SMAD3: variants seen among roughly 807,000 people sequenced by gnomAD.
The protein encoded by SMAD3 is SMAD family member 3.
A neutral mutation model predicts 51.8 loss-of-function variants in SMAD3; 12 were observed. The observed-to-expected ratio is 0.23, with a 90% CI of 0.15 to 0.38. The LOEUF is 0.38. SMAD3 is among the 10% of genes least tolerant of loss of function. The pLI is 1.00. For missense variants in SMAD3, 294 were observed against 565.6 expected, an observed-to-expected ratio of 0.52 and a Z score of 4.87; for synonymous variants, 238 against 227.7, an observed-to-expected ratio of 1.05 and a Z score of -0.41.
At chr15:67,121,133 G>T (rs1413242857) in intron 1 of SMAD3, among the ~76,000 whole-genome samples, 1 of 152,212 alleles carries the variant, frequency 6.6e-6, no homozygotes, top group Non-Finnish European at 1.5e-5. Context: ...GAGGCGGGAG[G>T]CCTGTTTCCT....
intron 1 of SMAD3, among the ~76,000 whole-genome samples, chr15:67,088,313 G>T (rs928554270): frequency 6.6e-6 from 1 of 152,126 alleles, no homozygotes; most frequent in African/African-American, 2.4e-5. Context: ...AGCTTTACTT[G>T]TTGGGTTGGA....
intron 1 of SMAD3, among the ~76,000 whole-genome samples, chr15:67,129,128 C>T (rs1961461215): frequency 6.6e-6 from 1 of 152,198 alleles, no homozygotes; most frequent in Non-Finnish European, 1.5e-5. Context: ...CAGGCGTCCC[C>T]AACCCCTGGG....
intron 8 of SMAD3, among the ~76,000 whole-genome samples, chr15:67,189,019 C>T (rs775342853): frequency 6.6e-6 from 1 of 152,200 alleles, no homozygotes; most frequent in Non-Finnish European, 1.5e-5. Flanking sequence ...GAACTTACAA[C>T]TATGTTATGG....
At chr15:67,186,344 G>A (rs1451128932) in intron 7 of SMAD3, among the ~76,000 whole-genome samples, 2 of 152,282 alleles carry the variant, frequency 1.3e-5, no homozygotes, top group South Asian at 2.1e-4. Flanking sequence ...TCCATTCCCC[G>A]GCCCCACCCC....
intron 1 of SMAD3, among the ~76,000 whole-genome samples, chr15:67,133,559 G>A (rs1226849718): frequency 1.3e-5 from 2 of 152,092 alleles, no homozygotes; most frequent in African/African-American, 4.8e-5. Flanking sequence ...TTTTCCATTT[G>A]TGACCCCCAA....
intron 6 of SMAD3, among the ~76,000 whole-genome samples, chr15:67,183,031 ATTTTT>A (rs57749736): frequency 0.014 from 410 of 29,500 alleles, 3 homozygotes; most frequent in Non-Finnish European, 0.016. Flanking sequence ...ATATATATAT[ATTTTT>A]TTTTTTTTTT....
chr15:67,128,452 AAAGAGCTGGTGTGTGT>A (rs1230647376), intron 1 of SMAD3, among the ~76,000 whole-genome samples: 4 of 152,162 alleles, frequency 2.6e-5, no homozygotes, highest in Non-Finnish European at 5.9e-5. Context: ...TGAAGGATTA[AAAGAGCTGGTGTGTGT>A]AAAACCCAGG....
At chr15:67,184,521 T>C (rs116139975) in intron 6 of SMAD3, among the ~76,000 whole-genome samples, 1 of 152,314 alleles carries the variant, frequency 6.6e-6, no homozygotes, top group African/African-American at 2.4e-5. Context: ...GCCCATCTCT[T>C]GTCATCTGCC....
intron 1 of SMAD3, among the ~76,000 whole-genome samples, chr15:67,096,651 T>C (rs1960620744): frequency 6.6e-6 from 1 of 152,112 alleles, no homozygotes; most frequent in South Asian, 2.1e-4. Flanking sequence ...TTTTTTTTTT[T>C]TTGCCTTTTG....
chr15:67,125,593 C>T, intron 1 of SMAD3: 2 of 469,794 alleles, frequency 4.3e-6, no homozygotes, highest in Non-Finnish European at 5.6e-6. Context: ...AATAGCTTAA[C>T]AGAGACATCT....
rs139210434 is a variant in SMAD3 at position 67,103,284 on chromosome 15, G to A, written c.206+36924G>A. On this transcript the variant is annotated intron_variant, in intron 1 of 8. Coordinates refer to ENST00000327367, the MANE Select transcript of SMAD3 (RefSeq NM_005902.4). The stretch of plus-strand genomic sequence containing the variant: ...AAAGCTACACACTTGAACCTGTTCC[G>A]TGTGGTTTCACACAAGGCACATGGC... Among the ~76,000 whole-genome samples, 460 of 152,288 alleles carry A rather than the reference G, an allele frequency of 3.0e-3. 4 individuals are homozygous for A. Among genetic ancestry groups the A allele is most frequent in the African/African-American group, 0.011 (438 of 41,566 alleles).
At chr15:67,166,478 A>C (rs1181129356) in intron 3 of SMAD3, 4 of 504,816 alleles carry the variant, frequency 7.9e-6, no homozygotes, top group Non-Finnish European at 1.1e-5. Context: ...GGTGGGGCTT[A>C]ACCCTCACCT....
intron 1 of SMAD3, among the ~76,000 whole-genome samples, chr15:67,079,925 T>C (rs1307278468): frequency 6.6e-6 from 1 of 152,224 alleles, no homozygotes; most frequent in East Asian, 1.9e-4. Flanking sequence ...AGTCTCAGGC[T>C]AAGGGCTGGA....
At chr15:67,150,803 T>TCTGC (rs1962111559) in intron 1 of SMAD3, among the ~76,000 whole-genome samples, 1 of 130,968 alleles carries the variant, frequency 7.6e-6, no homozygotes, top group Non-Finnish European at 1.6e-5. Flanking sequence ...TCCTGCTTTT[T>TCTGC]TTTTTTTTTT....
At chr15:67,160,770 C>CAAAAAAAAAAAAA (rs547354315) in intron 1 of SMAD3, among the ~76,000 whole-genome samples, 4 of 61,038 alleles carry the variant, frequency 6.6e-5, no homozygotes, top group African/African-American at 1.5e-4. Flanking sequence ...GACTCCATCT[C>CAAAAAAAAAAAAA]AAAAAAAAAA....
chr15:67,194,655 G>A lies in SMAD3; in HGVS notation c.*4119G>A, dbSNP rs1057325655. On this transcript the variant is annotated 3_prime_UTR_variant, in exon 9 of 9. Transcript: ENST00000327367. ...CAAGGACAGTGGCTGGAAGAGTTGG[G>A]GCACAGCCAGTTCTGAATGTTGGTG... The A allele has an allele frequency of 1.3e-5, 3 of 231,876 alleles. No individual in the cohort carries two copies. Among genetic ancestry groups the A allele is most frequent in the Non-Finnish European group, 2.6e-5 (3 of 117,112 alleles). The allele number at this position is 231,876 out of a possible 1,614,324, so 14.4% of individuals were successfully genotyped here. A position where few individuals can be genotyped will look rare whatever the true frequency, so the allele number is the denominator to read the frequency against.
At chr15:67,132,285 C>T (rs552109647) in intron 1 of SMAD3, among the ~76,000 whole-genome samples, 62 of 152,274 alleles carry the variant, frequency 4.1e-4, no homozygotes, top group African/African-American at 1.5e-3. Flanking sequence ...TGACCCTCAC[C>T]GTATTTTTTA....
chr15:67,121,147 G>A (rs1024794533), intron 1 of SMAD3, among the ~76,000 whole-genome samples: 2 of 152,212 alleles, frequency 1.3e-5, no homozygotes, highest in Admixed American at 1.3e-4. Flanking sequence ...GTTTCCTGCA[G>A]CCCCCGCCCT....
At chr15:67,085,650 T>A (rs1021883359) in intron 1 of SMAD3, among the ~76,000 whole-genome samples, 1 of 152,154 alleles carries the variant, frequency 6.6e-6, no homozygotes, top group Non-Finnish European at 1.5e-5. Flanking sequence ...TGGCTGCTTT[T>A]AAAAATTTTG....
Sources: allele counts gnomAD v4.1 joint callset (sites outside exome capture counted in the v4.1 genomes callset), GRCh38; gene constraint gnomAD v4.1.1; transcripts MANE v1.5; gene names NCBI Gene and HGNC (gene_info 2026-07-23, HGNC 2026-07-21).